PRKN: variants seen among roughly 807,000 people sequenced by gnomAD.
PRKN encodes E3 ubiquitin-protein ligase parkin.
Under a neutral mutation model 59.5 loss-of-function variants are expected in PRKN, and 56 were observed. The observed-to-expected ratio is 0.94, with a 90% CI of 0.76 to 1.18. The LOEUF is 1.18. Among genes scored for constraint, PRKN ranks in the 50% most tolerant of loss-of-function variants. PRKN has a pLI of 0.00. For missense variants in PRKN, 657 were observed against 596.4 expected, an observed-to-expected ratio of 1.10 and a Z score of -1.06; for synonymous variants, 250 against 222.1, an observed-to-expected ratio of 1.13 and a Z score of -1.12.
At chr6:162,446,034 T>C (rs767642370) in intron 1 of PRKN, among the ~76,000 whole-genome samples, 1 of 152,100 alleles carries the variant, frequency 6.6e-6, no homozygotes, top group Non-Finnish European at 1.5e-5. Flanking sequence ...AGAAAATTCA[T>C]GAAAAATACT....
intron 7 of PRKN, among the ~76,000 whole-genome samples, chr6:161,677,434 T>C (rs1785128558): frequency 6.6e-6 from 1 of 152,222 alleles, no homozygotes; most frequent in Admixed American, 6.5e-5. Flanking sequence ...GAACTGAGTG[T>C]CGGCTTCTCC....
chr6:162,316,232 T>G (rs1782748697), intron 2 of PRKN, among the ~76,000 whole-genome samples: 1 of 151,634 alleles, frequency 6.6e-6, no homozygotes, highest in Non-Finnish European at 1.5e-5. Context: ...CATAAGAATT[T>G]TTGGTAGGCT....
chr6:162,286,192 T>C (rs1423311110), intron 2 of PRKN, among the ~76,000 whole-genome samples: 1 of 150,884 alleles, frequency 6.6e-6, no homozygotes, highest in Admixed American at 6.6e-5. Context: ...GCTGTAAATG[T>C]ATAAAATGCC....
intron 6 of PRKN, among the ~76,000 whole-genome samples, chr6:161,811,373 T>C (rs1791549890): frequency 6.6e-6 from 1 of 152,122 alleles, no homozygotes. Context: ...CATATACAGT[T>C]ACAGAAATCA....
intron 2 of PRKN, among the ~76,000 whole-genome samples, chr6:162,369,638 A>G (rs1785638262): frequency 6.6e-6 from 1 of 152,174 alleles, no homozygotes; most frequent in Non-Finnish European, 1.5e-5. Context: ...CCAACAGTCT[A>G]TTGAGTACGT....
At chr6:162,633,431 T>TGAAAAAAA (rs1777589738) in intron 1 of PRKN, among the ~76,000 whole-genome samples, 1 of 9,834 alleles carries the variant, frequency 1.0e-4, no homozygotes, top group Non-Finnish European at 1.4e-4. Flanking sequence ...CAAGACTGTC[T>TGAAAAAAA]CAAAAAAAAA....
At chr6:162,129,866 C>G (rs185348411) in intron 4 of PRKN, among the ~76,000 whole-genome samples, 1 of 152,114 alleles carries the variant, frequency 6.6e-6, no homozygotes, top group Admixed American at 6.5e-5. Flanking sequence ...AAATTTTCCC[C>G]TGTAGAGTGT....
chr6:162,212,387 G>A (rs1408751022), intron 3 of PRKN, among the ~76,000 whole-genome samples: 1 of 139,494 alleles, frequency 7.2e-6, no homozygotes, highest in Non-Finnish European at 1.5e-5. Context: ...ATTAAACCCT[G>A]TGAATGATCA....
At chr6:161,838,690 TCCCACTGCACTGGCTGGCCCAGTGCCAC>T (rs911615570) in intron 6 of PRKN, among the ~76,000 whole-genome samples, 1 of 152,194 alleles carries the variant, frequency 6.6e-6, no homozygotes, top group Non-Finnish European at 1.5e-5. Flanking sequence ...ACTGTCCCCG[TCCCACTGCACTGGCTGGCCCAGTGCCAC>T]ATACTGCAGG....
chr6:161,680,208 C>T (rs140179847), intron 7 of PRKN, among the ~76,000 whole-genome samples: 199 of 152,244 alleles, frequency 1.3e-3, no homozygotes, highest in African/African-American at 4.6e-3. Flanking sequence ...AACATTTCCC[C>T]CTTTCTCCTT....
chr6:162,480,125 T>C (rs925176223), intron 1 of PRKN, among the ~76,000 whole-genome samples: 2 of 152,036 alleles, frequency 1.3e-5, no homozygotes, highest in Admixed American at 6.5e-5. Flanking sequence ...ACCAGTAATA[T>C]GGTCATTTTT....
chr6:162,335,238 C>T (rs1246704603), intron 2 of PRKN, among the ~76,000 whole-genome samples: 1 of 150,276 alleles, frequency 6.7e-6, no homozygotes, highest in South Asian at 2.1e-4. Context: ...GATGGGGTTT[C>T]GCTAGGTTAG....
At chr6:162,274,974 G>A (rs9364644) in intron 2 of PRKN, 4,782 of 151,542 alleles carry the variant, frequency 0.032, 242 homozygotes, top group African/African-American at 0.11. Context: ...CCAGCTACTC[G>A]GGAGGCTGAG....
chr6:161,752,070 C>A (rs780333198), intron 7 of PRKN, among the ~76,000 whole-genome samples: 1 of 152,170 alleles, frequency 6.6e-6, no homozygotes, highest in Non-Finnish European at 1.5e-5. Context: ...TGTATTTTTC[C>A]TAAGGAATCC....
rs183500379 is a variant in PRKN at position 162,510,872 on chromosome 6, G to A, written c.8-67399C>T. Among the ~76,000 whole-genome samples the A allele has an allele frequency of 1.3e-3, 195 of 152,112 alleles. 1 individual carries two copies. The highest frequency in any genetic ancestry group is 1.9e-3 in the South Asian group (9 of 4,820). On this transcript the variant is annotated intron_variant, in intron 1 of 11. Transcript: ENST00000366898. ...CAGAAAGCAGAGGTTGCGGTGAGCCGAGATTGTGCCACTGCACTCCACCCT... is the reference window on the plus strand; with the variant it reads ...CAGAAAGCAGAGGTTGCGGTGAGCCAAGATTGTGCCACTGCACTCCACCCT...
At chr6:161,616,295 G>A (rs923519184) in intron 7 of PRKN, among the ~76,000 whole-genome samples, 4 of 152,106 alleles carry the variant, frequency 2.6e-5, no homozygotes, top group South Asian at 2.1e-4. Flanking sequence ...GGGAGGGGCC[G>A]GACTCATCCC....
intron 1 of PRKN, among the ~76,000 whole-genome samples, chr6:162,564,453 G>A (rs1779978194): frequency 6.6e-6 from 1 of 151,946 alleles, no homozygotes; most frequent in Non-Finnish European, 1.5e-5. Flanking sequence ...TAATAACAGA[G>A]AACTTCCCAA....
chr6:162,565,795 G>A (rs879451693), intron 1 of PRKN, among the ~76,000 whole-genome samples: 1 of 151,920 alleles, frequency 6.6e-6, no homozygotes, highest in Non-Finnish European at 1.5e-5. Context: ...CTGGGTGAAT[G>A]GATGAAAAAA....
Position 161,502,758 on chromosome 6 carries a change from G to A in PRKN, c.1083+46096C>T, listed in dbSNP as rs772639482. Among the ~76,000 whole-genome samples the A allele has an allele frequency of 1.1e-4, 16 of 152,144 alleles. No homozygotes were observed. The highest frequency in any genetic ancestry group is 2.4e-4 in the Non-Finnish European group (16 of 68,034). On this transcript the variant is annotated intron_variant, in intron 9 of 11. Transcript: ENST00000366898. This position sits in a 1 kb window ranked among gnomAD's most constrained non-coding sequence, Gnocchi z 4.0. ...TGGAGCAGTGTCGGTGAGGGTATGA[G>A]GTGGCTCTGATCCATGCTCTACGGT...
Sources: allele counts gnomAD v4.1 joint callset (sites outside exome capture counted in the v4.1 genomes callset), GRCh38; gene constraint gnomAD v4.1.1; non-coding constraint Gnocchi (gnomAD v3.1); transcripts MANE v1.5; gene names NCBI Gene and HGNC (gene_info 2026-07-23, HGNC 2026-07-21).